Variants in MGME1 observed in about 807,000 individuals in gnomAD.
The protein encoded by MGME1 is mitochondrial genome maintenance exonuclease 1, also known as chromosome 20 open reading frame 72.
In MGME1, 22 loss-of-function variants were observed where a neutral mutation model predicts 33.0. That is an observed-to-expected ratio of 0.67 (90% confidence interval 0.48 to 0.95). The LOEUF (loss-of-function observed/expected upper bound fraction) is 0.95. MGME1 is among the 40% of genes least tolerant of loss of function. The pLI is 0.00. For missense variants in MGME1, 383 were observed against 397.8 expected (o/e 0.96, Z 0.32); for synonymous variants, 133 against 144.0 (o/e 0.92, Z 0.55).
At chr20:17,985,643 C>T (rs994222510) in intron 3 of MGME1, among the ~76,000 whole-genome samples, 28 of 152,194 alleles carry the variant, frequency 1.8e-4, no homozygotes, top group African/African-American at 4.8e-4. Context: ...AAGCTGCATT[C>T]GTGGTAGGTG....
At position 17,970,086 on chromosome 20, in the gene MGME1, C is replaced by T. The variant is rs1275493671; in HGVS notation, c.227C>T (p.Ala76Val). 1 of 1,614,108 alleles carries T rather than the reference C, an allele frequency of 6.2e-7. No homozygotes were observed. Among genetic ancestry groups the T allele is most frequent in the African/African-American group, 1.3e-5 (1 of 74,930 alleles). The change falls in exon 2 of 5, where the codon GCT becomes GTT. Residue 76 changes from alanine to valine, a missense_variant. Ala to Val is a moderately conservative substitution (Grantham distance 64). Coordinates refer to ENST00000377710, the MANE Select transcript of MGME1 (RefSeq NM_052865.4). ...ACCCCGGGATCGGTGGAGGAAGATG[C>T]TTTGCTCTGTGGACCCGTGAGCAAG... ...AQTPGSVEEDALLCGPVSKHK... is the reference protein window; with the variant it reads ...AQTPGSVEEDVLLCGPVSKHK...
At chr20:17,975,552 TC>T in intron 2 of MGME1, 131 bp from the exon 3 acceptor site, 1 of 653,852 alleles carries the variant, frequency 1.5e-6, no homozygotes, top group Admixed American at 3.0e-5. Flanking sequence ...GGAGACTCCA[TC>T]CAAAAAAAAA....
At chr20:17,988,364 G>T in intron 4 of MGME1, 66 bp downstream of exon 4, 1 of 1,542,776 alleles carries the variant, frequency 6.5e-7, no homozygotes, top group South Asian at 1.2e-5. Context: ...ACTCCGGGCC[G>T]GGCGCAGTGG....
chr20:17,976,853 GTT>G (rs1342063842), intron 3 of MGME1, among the ~76,000 whole-genome samples: 5 of 151,888 alleles, frequency 3.3e-5, no homozygotes. Context: ...TAGAGATGGG[GTT>G]TCTCCATGTT....
rs145924849 is a variant in MGME1, at chr20:17,982,822, A to G, written c.732-5344A>G. ...ATATATTTATAGGCTACAGTATGAT[A>G]TTTTGATATATGTATACCTAATGGA... On this transcript the variant is annotated intron_variant, in intron 3 of 4. Transcript: ENST00000377710. 8.3e-3 allele frequency among the ~76,000 whole-genome samples: 1,258 copies of G among 152,292 alleles called. 16 individuals carry two copies. Among genetic ancestry groups the G allele is most frequent in the African/African-American group, 0.027 (1,124 of 41,570 alleles).
intron 2 of MGME1, among the ~76,000 whole-genome samples, chr20:17,970,623 A>T (rs2035703608): frequency 6.6e-6 from 1 of 152,242 alleles, no homozygotes; most frequent in Non-Finnish European, 1.5e-5. Flanking sequence ...TGACTAAATA[A>T]TACATAAAAT....
chr20:17,979,718 A>G (rs1368044301), intron 3 of MGME1, among the ~76,000 whole-genome samples: 2 of 150,524 alleles, frequency 1.3e-5, no homozygotes, highest in African/African-American at 4.9e-5. Flanking sequence ...ACCGGGCCTA[A>G]TAATTTTTTA....
chr20:17,988,564 C>G (rs2036211306), intron 4 of MGME1, among the ~76,000 whole-genome samples: 1 of 151,508 alleles, frequency 6.6e-6, no homozygotes, highest in Admixed American at 6.6e-5. Flanking sequence ...ATTGCTTGAA[C>G]CCGCGAGGTG....
At chr20:17,969,707 G>A in intron 1 of MGME1, 94 bp from the exon 2 acceptor site, 2 of 734,868 alleles carry the variant, frequency 2.7e-6, no homozygotes, top group Middle Eastern at 3.2e-4. Context: ...TTAAGAAAGG[G>A]CTCTGTCCAA....
chr20:17,982,013 C>A (rs2036035750), intron 3 of MGME1, among the ~76,000 whole-genome samples: 1 of 152,200 alleles, frequency 6.6e-6, no homozygotes, highest in Non-Finnish European at 1.5e-5. Flanking sequence ...ACCCATTTCC[C>A]TATTGGGAAC....
chr20:17,988,040 A>G, intron 3 of MGME1, 126 bp from the exon 4 acceptor site: 1 of 918,258 alleles, frequency 1.1e-6, no homozygotes, highest in Non-Finnish European at 1.6e-6. Context: ...AAAGGAAAAA[A>G]ATGGTGAATA....
chr20:17,968,825 C>T (rs766348512), upstream of MGME1: 4 of 212,774 alleles, frequency 1.9e-5, no homozygotes, highest in Middle Eastern at 1.8e-3. Context: ...GAATTTATTA[C>T]TCAGCCCGAG....
At chr20:17,979,744 T>G (rs985706358) in intron 3 of MGME1, among the ~76,000 whole-genome samples, 2 of 151,778 alleles carry the variant, frequency 1.3e-5, no homozygotes, top group African/African-American at 4.8e-5. Context: ...TTTTAGTTTA[T>G]TTTTTTGAGG....
intron 3 of MGME1, among the ~76,000 whole-genome samples, chr20:17,981,648 C>CGTGTGTGT (rs10677204): frequency 0.013 from 1,800 of 139,792 alleles, 32 homozygotes; most frequent in African/African-American, 0.038. Flanking sequence ...ATCTACTACT[C>CGTGTGTGT]GTGTGTGTGT....
Position 17,970,206 on chromosome 20 carries a change from A to C in MGME1, c.347A>C (p.Asp116Ala), listed in dbSNP as rs1456025084. ...PERSDKPNASDPSVPLKIPLQ... is the reference protein window; with the variant it reads ...PERSDKPNASAPSVPLKIPLQ... The stretch of plus-strand genomic sequence containing the variant: ...AGAAGTGATAAACCAAATGCAAGTG[A>C]TCCTTCAGTTCCTTTGAAAATCCCC... Residue 116 changes from aspartate to alanine, a missense_variant, in exon 2 of 5, where the codon GAT (aspartate) becomes GCT (alanine). Transcript: ENST00000377710. The C allele has an allele frequency of 6.2e-7, 1 of 1,614,232 alleles. No homozygotes were observed. Among genetic ancestry groups the C allele is most frequent in the Admixed American group, 1.7e-5 (1 of 60,022 alleles).
At chr20:17,979,468 G>GT (rs2035948572) in intron 3 of MGME1, among the ~76,000 whole-genome samples, 1 of 151,602 alleles carries the variant, frequency 6.6e-6, no homozygotes, top group Non-Finnish European at 1.5e-5. Context: ...CTGGAGTGCA[G>GT]TGGCGCGATC....
chr20:17,975,524 C>A, intron 2 of MGME1, among the ~76,000 whole-genome samples, 160 bp from the exon 3 acceptor site: 1 of 150,902 alleles, frequency 6.6e-6, no homozygotes. Context: ...CCACTACACT[C>A]CAGCCTGGGC....
At chr20:17,988,847 T>C (rs557391317) in intron 4 of MGME1, among the ~76,000 whole-genome samples, 1 of 152,224 alleles carries the variant, frequency 6.6e-6, no homozygotes, top group African/African-American at 2.4e-5. Flanking sequence ...TCACGCACTT[T>C]GGGAGGCCGA....
At chr20:17,983,661 C>T (rs34745730) in intron 3 of MGME1, among the ~76,000 whole-genome samples, 42,638 of 151,946 alleles carry the variant, frequency 0.28, 6,222 homozygotes, top group East Asian at 0.43. Context: ...TAATAATAGC[C>T]CAGTGTGATT....
Sources: gnomAD v4.1 joint callset for allele counts (sites outside exome capture counted in the v4.1 genomes callset) on GRCh38, gnomAD v4.1.1 for gene constraint, MANE v1.5 for transcripts, NCBI Gene and HGNC (gene_info 2026-07-23, HGNC 2026-07-21) for gene names.